STOX2: variants seen among roughly 807,000 people sequenced by gnomAD.
The protein encoded by STOX2 is storkhead-box protein 2.
A neutral mutation model predicts 60.9 loss-of-function variants in STOX2; 28 were observed. That is an observed-to-expected ratio of 0.46 (90% CI 0.34 to 0.63). The LOEUF (loss-of-function observed/expected upper bound fraction) is 0.63. Ranked by LOEUF, STOX2 falls within the 30% of genes least tolerant of loss-of-function variation. The pLI, the probability that STOX2 is intolerant of heterozygous loss-of-function variation, is 0.01. For missense variants in STOX2, 1,024 were observed against 1,187.7 expected (o/e 0.86, Z 2.03); for synonymous variants, 472 against 463.9 (o/e 1.02, Z -0.22).
chr4:183,993,753 C>G (rs1429338048), intron 1 of STOX2, among the ~76,000 whole-genome samples: 2 of 152,154 alleles, frequency 1.3e-5, no homozygotes, highest in Non-Finnish European at 2.9e-5. Flanking sequence ...AGTAAAAGTG[C>G]CTTTTCATTG....
intron 1 of STOX2, among the ~76,000 whole-genome samples, chr4:183,832,409 G>A (rs1739590856): frequency 6.6e-6 from 1 of 151,460 alleles, no homozygotes; most frequent in African/African-American, 2.4e-5. Context: ...ATTATCTAAG[G>A]AATGTAATAC....
chr4:183,945,398 C>T (rs1284477901), intron 1 of STOX2, among the ~76,000 whole-genome samples: 3 of 151,522 alleles, frequency 2.0e-5, no homozygotes, highest in Non-Finnish European at 4.4e-5. Flanking sequence ...AGCAAAGTGA[C>T]TTAATTGATT....
At chr4:183,876,311 G>A (rs1174104024) in intron 1 of STOX2, among the ~76,000 whole-genome samples, 2 of 152,216 alleles carry the variant, frequency 1.3e-5, no homozygotes, top group Non-Finnish European at 2.9e-5. Context: ...AAGGCTGTGC[G>A]TAATGGCTTT....
intron 1 of STOX2, among the ~76,000 whole-genome samples, chr4:183,936,977 A>G (rs1742607078): frequency 6.6e-6 from 1 of 152,254 alleles, no homozygotes; most frequent in African/African-American, 2.4e-5. Context: ...CATTATAAAG[A>G]CATTATCTTA....
At chr4:183,835,470 T>C (rs59199991) in intron 1 of STOX2, among the ~76,000 whole-genome samples, 12,022 of 152,110 alleles carry the variant, frequency 0.079, 1,528 homozygotes, top group African/African-American at 0.27. Flanking sequence ...GTGATCCACC[T>C]GCCTCGGCCT....
chr4:184,009,886 T>C lies in STOX2; in HGVS notation c.1048T>C (p.Ser350Pro), dbSNP rs943931827. Reference protein sequence around the residue: ...EKAQRSKAGSSAHHSGRSKKS... With the variant: ...EKAQRSKAGSPAHHSGRSKKS... ...GGCCCAGAGGAGTAAAGCCGGGTCCTCTGCCCATCACAGCGGAAGGAGTAA... is the reference window on the plus strand; with the variant it reads ...GGCCCAGAGGAGTAAAGCCGGGTCCCCTGCCCATCACAGCGGAAGGAGTAA... The change falls in exon 3 of 4, where the codon TCT (serine) becomes CCT (proline). Residue 350 changes from serine (S) to proline (P), a missense_variant. Physicochemically the swap from Ser to Pro is moderately conservative, Grantham distance 74 (BLOSUM62 -1). Transcript: ENST00000308497. This position sits in a 1 kb window ranked among gnomAD's most constrained non-coding sequence, Gnocchi z 4.0. 5.0e-6 allele frequency: 8 copies of C among 1,612,180 alleles called. No individual in the cohort carries two copies. The highest frequency in any genetic ancestry group is 1.1e-5 in the South Asian group (1 of 90,678).
intron 3 of STOX2, among the ~76,000 whole-genome samples, chr4:184,016,804 G>A (rs1031050932): frequency 7.2e-5 from 11 of 152,230 alleles, no homozygotes; most frequent in South Asian, 2.1e-4. Context: ...TTTTGAAGTC[G>A]TTTCGTTGAG....
intron 1 of STOX2, among the ~76,000 whole-genome samples, chr4:183,892,602 A>G (rs1292976232): frequency 6.6e-6 from 1 of 152,174 alleles, no homozygotes; most frequent in Non-Finnish European, 1.5e-5. Context: ...TCTTGCATGC[A>G]CGCTGACAAG....
At chr4:183,998,603 G>A (rs376074500) in intron 1 of STOX2, among the ~76,000 whole-genome samples, 40 of 151,992 alleles carry the variant, frequency 2.6e-4, no homozygotes, top group African/African-American at 8.2e-4. Context: ...GTGCAGTGGC[G>A]CAATCTCAGC....
At chr4:183,861,711 T>C (rs1400878818) in intron 1 of STOX2, among the ~76,000 whole-genome samples, 1 of 152,158 alleles carries the variant, frequency 6.6e-6, no homozygotes, top group African/African-American at 2.4e-5. Flanking sequence ...ACAATATATG[T>C]AAAGTGCCTC....
upstream of STOX2, among the ~76,000 whole-genome samples, chr4:183,903,740 A>T (rs1312982165): frequency 6.6e-6 from 1 of 152,194 alleles, no homozygotes; most frequent in African/African-American, 2.4e-5. Context: ...TCCTACATTC[A>T]TTAATACAAC....
Position 184,001,434 on chromosome 4 carries a change from C to T in STOX2, c.276C>T (p.Val92=), listed in dbSNP as rs2111226420. ...CAATGAACTCGGCAAGAAAGCCTGT[C>T]ACCCAAGAAGCACTGATGGAGCACC... The part of the protein sequence containing the change: ...ISAMNSARKP[V]TQEALMEHLT... The change falls in exon 2 of 4, where the codon GTC becomes GTT. Residue 92 remains valine (V), a synonymous_variant. Coordinates refer to ENST00000308497, the MANE Select transcript of STOX2 (RefSeq NM_020225.3). This position sits in a 1 kb window ranked among gnomAD's most constrained non-coding sequence, Gnocchi z 4.2. 1 of 1,613,866 alleles carries T rather than the reference C, an allele frequency of 6.2e-7. No individual in the cohort carries two copies. Among genetic ancestry groups the T allele is most frequent in the East Asian group, 2.2e-5 (1 of 44,868 alleles).
intron 1 of STOX2, among the ~76,000 whole-genome samples, chr4:184,000,531 A>G (rs1733541582): frequency 6.6e-6 from 1 of 152,160 alleles, no homozygotes; most frequent in Non-Finnish European, 1.5e-5. Context: ...CATAGAATGC[A>G]GAGCTTGGAC....
Position 184,010,905 on chromosome 4 carries a change from C to T in STOX2, c.2067C>T (p.Ser689=). 5.0e-6 allele frequency: 8 copies of T among 1,613,116 alleles called. No homozygotes were observed. The highest frequency in any genetic ancestry group is 1.1e-5 in the South Asian group (1 of 90,894). Residue 689 remains serine, a synonymous_variant, in exon 3 of 4, where the codon AGC becomes AGT. Transcript: ENST00000308497. The surrounding 1 kb of genome is among the most constrained non-coding windows in gnomAD (Gnocchi z 4.5). ...TCCAGCACCATGGTGCCGAGCCCAG[C>T]AGCTTGGACAAGAGGAAAGAGATAT... ...RLVQHHGAEP[S]SLDKRKEIFS...
At chr4:183,976,169 G>A (rs1452571336) in intron 1 of STOX2, among the ~76,000 whole-genome samples, 2 of 152,104 alleles carry the variant, frequency 1.3e-5, no homozygotes, top group Non-Finnish European at 2.9e-5. Flanking sequence ...AAAATTAGCT[G>A]AGCGTGGTGG....
chr4:183,935,141 G>A (rs1742551620), intron 1 of STOX2, among the ~76,000 whole-genome samples: 1 of 152,242 alleles, frequency 6.6e-6, no homozygotes, highest in Non-Finnish European at 1.5e-5. Context: ...TGTTCTAAGT[G>A]CAGATAATTA....
Position 183,948,218 on chromosome 4 carries a change from C to CAAAAAAAAA in STOX2, c.166+41280_166+41288dup, listed in dbSNP as rs760286920. Among the ~76,000 whole-genome samples, 13 of 29,868 alleles carry CAAAAAAAAA rather than the reference C, an allele frequency of 4.4e-4. 2 individuals carry two copies. The highest frequency in any genetic ancestry group is 7.9e-4 in the Admixed American group (1 of 1,260). 19.6% of individuals were successfully genotyped at this position (29,868 alleles called of 152,430 possible). On this transcript the variant is annotated intron_variant, in intron 1 of 3. Transcript: ENST00000308497. ...GGGCAACAAGAGCAAAACTCCATCTCAAAAAAAAAAAAAAAAAAAAAAAAA... is the reference window on the plus strand; with the variant it reads ...GGGCAACAAGAGCAAAACTCCATCTCAAAAAAAAAAAAAAAAAAAAAAAAAAAAAAAAAA...
rs1320863314 is a variant in STOX2 at position 184,020,243 on chromosome 4, G to A, written c.*2959G>A. 5 of 152,036 alleles carry A rather than the reference G, an allele frequency of 3.3e-5. No individual in the cohort carries two copies. The highest frequency in any genetic ancestry group is 7.4e-5 in the Non-Finnish European group (5 of 68,022). The allele number at this position is 152,036 out of a possible 1,614,324, so 9.4% of individuals were successfully genotyped here. A position where few individuals can be genotyped will look rare whatever the true frequency, so the allele number is the denominator to read the frequency against. Reference sequence around the variant, plus strand: ...CTCTGTGGACTCATGACTTTCCATCGCCATGGCTTTCTCTTACGCCGCTGT... The same window carrying A: ...CTCTGTGGACTCATGACTTTCCATCACCATGGCTTTCTCTTACGCCGCTGT... On this transcript the variant is annotated 3_prime_UTR_variant, in exon 4 of 4. Coordinates refer to ENST00000308497, the MANE Select transcript of STOX2 (RefSeq NM_020225.3).
chr4:183,982,731 TA>T (rs1404630164), intron 1 of STOX2, among the ~76,000 whole-genome samples: 4 of 152,248 alleles, frequency 2.6e-5, no homozygotes, highest in Admixed American at 6.5e-5. Context: ...AGCATTGCAG[TA>T]TTTCATGTTG....
Sources: gnomAD v4.1 joint callset for allele counts (sites outside exome capture counted in the v4.1 genomes callset) on GRCh38, gnomAD v4.1.1 for gene constraint, Gnocchi (gnomAD v3.1) non-coding constraint, MANE v1.5 for transcripts, NCBI Gene and HGNC (gene_info 2026-07-23, HGNC 2026-07-21) for gene names.